Variants in CRACD observed in about 807,000 individuals in gnomAD.
CRACD encodes capping protein-inhibiting regulator of actin dynamics.
CRACD carries 56 observed loss-of-function variants against 106.8 expected under a neutral mutation model. The observed-to-expected ratio is 0.52, with a 90% confidence interval of 0.42 to 0.66. The LOEUF (loss-of-function observed/expected upper bound fraction) is 0.66. CRACD is among the 30% of genes least tolerant of loss of function. The probability of loss-of-function intolerance (pLI) is 0.00; values close to 1 mark genes in which losing one functional copy is unlikely to be tolerated. For synonymous variants in CRACD, 754 were observed against 670.8 expected (o/e 1.12, Z -1.92); for missense variants, 1,730 against 1,623.2 (o/e 1.07, Z -1.13).
chr4:56,117,215 G>A (rs1297202624), intron 1 of CRACD, among the ~76,000 whole-genome samples: 1 of 151,872 alleles, frequency 6.6e-6, no homozygotes, highest in Non-Finnish European at 1.5e-5. Flanking sequence ...TAGAGACGGG[G>A]TTTCACCGTG....
intron 1 of CRACD, among the ~76,000 whole-genome samples, chr4:56,156,983 G>T (rs1735782373): frequency 6.6e-6 from 1 of 152,066 alleles, no homozygotes; most frequent in Non-Finnish European, 1.5e-5. Flanking sequence ...GCAGTGCCTG[G>T]AAATAATGGG....
intron 1 of CRACD, among the ~76,000 whole-genome samples, chr4:56,075,519 G>C (rs1732810235): frequency 6.6e-6 from 1 of 151,966 alleles, no homozygotes. Context: ...TATTTCTGTG[G>C]GATCAGTGGT....
intron 2 of CRACD, among the ~76,000 whole-genome samples, chr4:56,233,217 G>C (rs983358106): frequency 1.3e-5 from 2 of 152,028 alleles, no homozygotes; most frequent in African/African-American, 4.8e-5. Context: ...TCTTCTCCAA[G>C]TCTATAACTT....
At chr4:56,320,908 G>T in intron 8 of CRACD, 1 of 180,180 alleles carries the variant, frequency 5.6e-6, no homozygotes, top group East Asian at 1.4e-4. Flanking sequence ...TCAGGCACTG[G>T]CCTCCCCCTG....
At chr4:56,308,778 CT>C (rs1157108021) in intron 5 of CRACD, 54 of 985,292 alleles carry the variant, frequency 5.5e-5, no homozygotes, top group Non-Finnish European at 6.4e-5. Flanking sequence ...TAAAATTGCT[CT>C]TCCCAACCTC....
chr4:56,192,719 C>A (rs532232599), intron 2 of CRACD, among the ~76,000 whole-genome samples: 2 of 152,058 alleles, frequency 1.3e-5, no homozygotes, highest in South Asian at 4.2e-4. Context: ...GCAGAAAAAA[C>A]AAAGTACTCA....
At chr4:56,108,303 T>C (rs573230845) in intron 1 of CRACD, among the ~76,000 whole-genome samples, 13 of 152,298 alleles carry the variant, frequency 8.5e-5, no homozygotes, top group South Asian at 2.1e-4. Flanking sequence ...ATATGATACA[T>C]TGTGAAGGAC....
At chr4:56,301,970 CTG>C (rs1373408903) in intron 4 of CRACD, among the ~76,000 whole-genome samples, 1 of 152,102 alleles carries the variant, frequency 6.6e-6, no homozygotes, top group African/African-American at 2.4e-5. Flanking sequence ...TGTGAGGACT[CTG>C]TACATAACAG....
chr4:56,105,040 A>G (rs182897505), intron 1 of CRACD, among the ~76,000 whole-genome samples: 6 of 152,230 alleles, frequency 3.9e-5, no homozygotes, highest in African/African-American at 1.2e-4. Context: ...TAAAATTAAA[A>G]TAGAAAATAC....
intron 2 of CRACD, among the ~76,000 whole-genome samples, chr4:56,247,370 T>C (rs1049887020): frequency 6.6e-6 from 1 of 152,186 alleles, no homozygotes; most frequent in African/African-American, 2.4e-5. Context: ...TAATTGATGA[T>C]ATATTAGCTA....
chr4:56,197,781 C>T (rs1737681130), intron 2 of CRACD, among the ~76,000 whole-genome samples: 1 of 151,974 alleles, frequency 6.6e-6, no homozygotes, highest in African/African-American at 2.4e-5. Flanking sequence ...GGGTTCACGC[C>T]GTTCTCCTGC....
At chr4:56,323,999 C>G (rs940982856) in intron 9 of CRACD, 105 bp from the exon 10 acceptor site, 3 of 1,266,532 alleles carry the variant, frequency 2.4e-6, no homozygotes, top group East Asian at 2.3e-5. Context: ...CCGTTGGAAG[C>G]AGAGGTCAGG....
intron 1 of CRACD, among the ~76,000 whole-genome samples, chr4:56,116,343 A>G (rs1442691646): frequency 6.6e-6 from 1 of 152,200 alleles, no homozygotes; most frequent in African/African-American, 2.4e-5. Context: ...CACAATCTAC[A>G]CAATCACTGT....
chr4:56,098,700 T>A (rs1006824403), intron 1 of CRACD, among the ~76,000 whole-genome samples: 8 of 152,144 alleles, frequency 5.3e-5, no homozygotes, highest in African/African-American at 1.9e-4. Context: ...TGCAATCTAT[T>A]CTTTTTTTTG....
chr4:56,082,102 A>T (rs1413778262), intron 1 of CRACD, among the ~76,000 whole-genome samples: 1 of 152,236 alleles, frequency 6.6e-6, no homozygotes, highest in Non-Finnish European at 1.5e-5. Flanking sequence ...ACCTTAGTAT[A>T]GGGTGGTATG....
chr4:56,262,519 T>C (rs1577823139), intron 2 of CRACD, among the ~76,000 whole-genome samples: 1 of 84,890 alleles, frequency 1.2e-5, no homozygotes, highest in South Asian at 3.1e-4. Context: ...TTTTTTGTGA[T>C]TTTTTTTTAT....
At chr4:56,232,751 G>A (rs772363914) in intron 2 of CRACD, among the ~76,000 whole-genome samples, 8 of 109,004 alleles carry the variant, frequency 7.3e-5, no homozygotes, top group Admixed American at 5.3e-4. Context: ...TTGAGATGGA[G>A]TCTCACTCTG....
intron 1 of CRACD, among the ~76,000 whole-genome samples, chr4:56,125,776 T>G (rs1305685135): frequency 7.0e-6 from 1 of 142,920 alleles, no homozygotes; most frequent in East Asian, 2.0e-4. Flanking sequence ...TTTTTTTTTT[T>G]TTTTTTTTTT....
chr4:56,222,633 A>C (rs1214211608), intron 2 of CRACD, among the ~76,000 whole-genome samples: 1 of 152,128 alleles, frequency 6.6e-6, no homozygotes, highest in African/African-American at 2.4e-5. Flanking sequence ...ACCTCTGGGA[A>C]TATCTTACCT....
Sources: gnomAD v4.1 joint callset for allele counts (sites outside exome capture counted in the v4.1 genomes callset) on GRCh38, gnomAD v4.1.1 for gene constraint, MANE v1.5 for transcripts, NCBI Gene and HGNC (gene_info 2026-07-23, HGNC 2026-07-21) for gene names.